The following GRIP1 variants were observed in gnomAD, a reference collection of about 807,000 sequenced individuals.
GRIP1 encodes glutamate receptor interacting protein 1.
Under a neutral mutation model 129.9 loss-of-function variants are expected in GRIP1, and 45 were observed. That is an observed-to-expected ratio of 0.35 (90% CI 0.27 to 0.44). The LOEUF is 0.44. Among genes scored for constraint, GRIP1 ranks in the 20% least tolerant of loss-of-function variants. GRIP1 has a pLI of 1.00. For missense variants in GRIP1, 1,196 were observed against 1,396.8 expected, an observed-to-expected ratio of 0.86 and a Z score of 2.29; for synonymous variants, 530 against 520.8, an observed-to-expected ratio of 1.02 and a Z score of -0.24.
chr12:66,884,297 G>A (rs1356886716), intron 1 of GRIP1, among the ~76,000 whole-genome samples: 2 of 135,196 alleles, frequency 1.5e-5, no homozygotes, highest in African/African-American at 2.8e-5. Context: ...CCAGCCACAA[G>A]GGAATAGAGA....
At chr12:66,979,255 C>CAACA (rs2042208348) in intron 1 of GRIP1, among the ~76,000 whole-genome samples, 2 of 43,614 alleles carry the variant, frequency 4.6e-5, no homozygotes, top group Non-Finnish European at 9.2e-5. Context: ...AAAAAAAAAA[C>CAACA]AAGCCCGTCA....
intron 1 of GRIP1, among the ~76,000 whole-genome samples, chr12:66,859,276 CAAAAAAACAAAAAAACAAAAAAACA>C (rs2040064787): frequency 9.2e-5 from 1 of 10,884 alleles, no homozygotes; most frequent in Non-Finnish European, 3.4e-4. Context: ...AACAAAAAAA[CAAAAAAACAAAAAAACAAAAAAACA>C]AAAAAAAACC....
intron 1 of GRIP1, among the ~76,000 whole-genome samples, chr12:67,014,160 T>C (rs1792533646): frequency 6.6e-6 from 1 of 152,198 alleles, no homozygotes; most frequent in African/African-American, 2.4e-5. Flanking sequence ...TTCATTTACG[T>C]AAGCCAATAA....
Position 66,371,818 on chromosome 12 carries a change from T to C in GRIP1, c.2888A>G (p.His963Arg). The change falls in exon 23 of 25, where the codon CAC (histidine) becomes CGC (arginine). Residue 963 changes from histidine to arginine, a missense_variant. This residue lies in a region of GRIP1 where 427 missense variants were observed against 463.3 expected (regional missense o/e 0.92). Coordinates refer to ENST00000359742, the MANE Select transcript of GRIP1 (RefSeq NM_001366722.1). ...SFQERSSSRP[H>R]YSQTTRSNTL... ...GTTGCTCCGAGTTGTTTGGCTGTAG[T>C]GCGGCCGCGAGCTGCTGCGCTCCTG... 1.9e-6 allele frequency: 3 copies of C among 1,614,054 alleles called. No homozygotes were observed. Among genetic ancestry groups the C allele is most frequent in the Admixed American group, 1.7e-5 (1 of 60,032 alleles).
At chr12:67,065,947 G>A (rs1249517685) in intron 1 of GRIP1, among the ~76,000 whole-genome samples, 1 of 152,234 alleles carries the variant, frequency 6.6e-6, no homozygotes, top group African/African-American at 2.4e-5. Flanking sequence ...ACCCCAAAGT[G>A]TATTAAGTGG....
chr12:67,018,331 G>A lies in GRIP1; in HGVS notation c.58+50719C>T, dbSNP rs553759030. Among the ~76,000 whole-genome samples, 370 of 152,232 alleles carry A rather than the reference G, an allele frequency of 2.4e-3. 2 individuals are homozygous for A. Among genetic ancestry groups the A allele is most frequent in the Admixed American group, 5.7e-3 (87 of 15,282 alleles). On this transcript the variant is annotated intron_variant, in intron 1 of 1. Coordinates refer to the GRIP1 transcript ENST00000643019. ...GGAGCGCCTCCAAGTGGGCACTAAT[G>A]TCCCTTGTGTCTGCGACTCCCATTG...
At chr12:66,522,323 C>T (rs1046598059) in intron 5 of GRIP1, among the ~76,000 whole-genome samples, 4 of 152,214 alleles carry the variant, frequency 2.6e-5, no homozygotes, top group East Asian at 3.9e-4. Context: ...AACGATCAGG[C>T]AGCAGCATTT....
chr12:66,453,499 T>A (rs1307059158), intron 11 of GRIP1, among the ~76,000 whole-genome samples: 2 of 152,192 alleles, frequency 1.3e-5, no homozygotes, highest in Non-Finnish European at 2.9e-5. Context: ...GTACCCCTCG[T>A]TAAAAAGATT....
chr12:66,411,589 GAC>G (rs1347486205), intron 15 of GRIP1, among the ~76,000 whole-genome samples: 2 of 152,164 alleles, frequency 1.3e-5, no homozygotes, highest in Non-Finnish European at 2.9e-5. Flanking sequence ...AAATAACTGC[GAC>G]ACTTCTTCAG....
intron 1 of GRIP1, among the ~76,000 whole-genome samples, chr12:66,727,944 A>C (rs949404893): frequency 2.6e-5 from 4 of 152,242 alleles, no homozygotes; most frequent in Non-Finnish European, 1.5e-5. Context: ...AAATAATTTC[A>C]ATATTTTTAC....
chr12:66,911,574 T>C (rs992598554), intron 1 of GRIP1, among the ~76,000 whole-genome samples: 2 of 152,186 alleles, frequency 1.3e-5, no homozygotes, highest in African/African-American at 2.4e-5. Context: ...ACTCCTACTA[T>C]GTGAGAGCTT....
chr12:67,023,753 C>T (rs2042900840), intron 1 of GRIP1, among the ~76,000 whole-genome samples: 1 of 152,156 alleles, frequency 6.6e-6, no homozygotes, highest in Non-Finnish European at 1.5e-5. Context: ...GTCACCCTCA[C>T]ACTAATAGTG....
chr12:66,465,046 G>A (rs2059247459), intron 8 of GRIP1, among the ~76,000 whole-genome samples: 1 of 150,876 alleles, frequency 6.6e-6, no homozygotes, highest in African/African-American at 2.4e-5. Context: ...GCGAGTTTAA[G>A]TGATTCTCAT....
intron 1 of GRIP1, among the ~76,000 whole-genome samples, chr12:67,044,595 A>G (rs749948718): frequency 6.6e-6 from 1 of 152,180 alleles, no homozygotes; most frequent in Admixed American, 6.6e-5. Flanking sequence ...ATTCCTGTTG[A>G]TTCCCAGGGT....
chr12:66,486,057 C>T (rs1318965571), intron 7 of GRIP1, among the ~76,000 whole-genome samples: 2 of 151,904 alleles, frequency 1.3e-5, no homozygotes, highest in Non-Finnish European at 2.9e-5. Context: ...GGGTTCTCTC[C>T]AGTTCTTTAT....
chr12:66,517,471 C>T (rs575949444), intron 6 of GRIP1, among the ~76,000 whole-genome samples: 1 of 152,254 alleles, frequency 6.6e-6, no homozygotes, highest in African/African-American at 2.4e-5. Context: ...TGGTAAGAAT[C>T]TCACCACCAC....
At chr12:66,448,837 A>G (rs890167966) in intron 11 of GRIP1, among the ~76,000 whole-genome samples, 27 of 152,318 alleles carry the variant, frequency 1.8e-4, no homozygotes, top group Admixed American at 1.6e-3. Context: ...CTAACATGCA[A>G]GGGTAACCCC....
intron 2 of GRIP1, among the ~76,000 whole-genome samples, chr12:66,596,439 A>G (rs1048593201): frequency 3.9e-5 from 6 of 152,216 alleles, no homozygotes; most frequent in Admixed American, 6.6e-5. Context: ...AGATGAGAAG[A>G]AAAGAATAAT....
chr12:66,876,888 A>G (rs1204159848), intron 1 of GRIP1, among the ~76,000 whole-genome samples: 2 of 152,110 alleles, frequency 1.3e-5, no homozygotes, highest in African/African-American at 4.8e-5. Context: ...CCATTCATTC[A>G]GGTATTAGAT....
Sources: gnomAD v4.1 joint callset for allele counts (sites outside exome capture counted in the v4.1 genomes callset) on GRCh38, gnomAD v4.1.1 for gene constraint, gnomAD v4.1.1 regional missense constraint, MANE v1.5 for transcripts, NCBI Gene and HGNC (gene_info 2026-07-23, HGNC 2026-07-21) for gene names.